Variants in TRAPPC12 observed in about 807,000 individuals in gnomAD.
TRAPPC12 encodes TPR repeat protein 15.
A neutral mutation model predicts 69.2 loss-of-function variants in TRAPPC12; 61 were observed. The observed-to-expected ratio is 0.88, with a 90% CI of 0.72 to 1.09. The LOEUF (loss-of-function observed/expected upper bound fraction) is 1.09, where lower values mean the gene tolerates loss of function less well. Among genes scored for constraint, TRAPPC12 ranks in the 50% least tolerant of loss-of-function variants. The pLI, the probability that TRAPPC12 is intolerant of heterozygous loss-of-function variation, is 0.00. For synonymous variants in TRAPPC12, 469 were observed against 438.9 expected, an observed-to-expected ratio of 1.07 and a Z score of -0.86; for missense variants, 1,101 against 1,016.4, an observed-to-expected ratio of 1.08 and a Z score of -1.13.
chr2:3,409,331 G>T (rs1183847605), intron 3 of TRAPPC12, among the ~76,000 whole-genome samples: 1 of 152,178 alleles, frequency 6.6e-6, no homozygotes, highest in East Asian at 1.9e-4. Flanking sequence ...TGGAACTATA[G>T]ACAAATATTT....
chr2:3,390,503 G>C (rs1161861854), intron 2 of TRAPPC12, among the ~76,000 whole-genome samples: 2 of 152,132 alleles, frequency 1.3e-5, no homozygotes, highest in Non-Finnish European at 2.9e-5. Context: ...CCGTTATTAG[G>C]AGGCTTGAAT....
Position 3,388,643 on chromosome 2 carries a change from G to A in TRAPPC12, c.1020G>A (p.Met340Ile), listed in dbSNP as rs764921515. ...AVFVDKENLT[M>I]PGLRFDNIQG... ...TCGTGGACAAGGAGAACCTCACCAT[G>A]CCGGGCCTCAGGTTCGACAACATCC... is the stretch of plus-strand genomic sequence containing the variant. Residue 340 changes from methionine (M) to isoleucine (I), a missense_variant, in exon 2 of 12, where the codon ATG (methionine) becomes ATA (isoleucine). By Grantham distance (10) the Met-to-Ile change is conservative (BLOSUM62 1). Coordinates refer to ENST00000324266, the MANE Select transcript of TRAPPC12 (RefSeq NM_016030.6). 7 of 1,577,492 alleles carry A rather than the reference G, an allele frequency of 4.4e-6. No homozygotes were observed. The African/African-American group carries it at 9.5e-5, about 21-fold the overall frequency.
At position 3,434,126 on chromosome 2, in the gene TRAPPC12, T is replaced by TTC. The variant is rs1315203740; in HGVS notation, c.1417+9465_1417+9466dup. 3.9e-5 allele frequency among the ~76,000 whole-genome samples: 6 copies of TTC among 152,346 alleles called. No homozygotes were observed. In the East Asian group the frequency reaches 1.2e-3, roughly 29 times the overall value. ...AAAGTATGAATTACACCAAAGCAGC[T>TTC]TCTGTATGCATCTTGTTGAAGAGGG... On this transcript the variant is annotated intron_variant, in intron 5 of 11. Coordinates refer to ENST00000324266, the MANE Select transcript of TRAPPC12 (RefSeq NM_016030.6).
At chr2:3,421,310 G>A (rs983517840) in intron 3 of TRAPPC12, among the ~76,000 whole-genome samples, 1 of 152,318 alleles carries the variant, frequency 6.6e-6, no homozygotes, top group African/African-American at 2.4e-5. Context: ...AAGCCGTAAC[G>A]TTAAGTGATG....
intron 3 of TRAPPC12, among the ~76,000 whole-genome samples, chr2:3,413,530 C>T (rs763905196): frequency 6.6e-6 from 1 of 152,052 alleles, no homozygotes; most frequent in African/African-American, 2.4e-5. Context: ...ATAATGTGTA[C>T]GTGAGTGTGA....
chr2:3,452,587 C>T (rs990920092), intron 6 of TRAPPC12, among the ~76,000 whole-genome samples: 8 of 152,180 alleles, frequency 5.3e-5, no homozygotes, highest in Non-Finnish European at 1.0e-4. Context: ...CTTAACCCTG[C>T]CAGGATGCGG....
At chr2:3,465,903 T>G (rs1665785907) in intron 9 of TRAPPC12, 2 of 584,044 alleles carry the variant, frequency 3.4e-6, no homozygotes, top group Non-Finnish European at 6.1e-6. Context: ...TGCCTGTTGC[T>G]AAATGTGAAC....
chr2:3,420,754 G>A (rs528568804), intron 3 of TRAPPC12, among the ~76,000 whole-genome samples: 1 of 152,350 alleles, frequency 6.6e-6, no homozygotes, highest in East Asian at 1.9e-4. Flanking sequence ...TTCATGAGCA[G>A]GTCCTGAGTT....
intron 3 of TRAPPC12, among the ~76,000 whole-genome samples, chr2:3,407,694 C>T (rs138536092): frequency 0.087 from 13,113 of 151,430 alleles, 658 homozygotes; most frequent in Middle Eastern, 0.14. Context: ...CCCAGCTACC[C>T]GGGAGGCTGA....
intron 3 of TRAPPC12, among the ~76,000 whole-genome samples, chr2:3,412,043 G>A (rs1347777948): frequency 1.3e-5 from 2 of 152,118 alleles, no homozygotes; most frequent in Non-Finnish European, 1.5e-5. Flanking sequence ...TTGATTACTA[G>A]TGTGGTTAAT....
intron 3 of TRAPPC12, among the ~76,000 whole-genome samples, chr2:3,418,600 G>A (rs1662585140): frequency 6.6e-6 from 1 of 152,210 alleles, no homozygotes; most frequent in Non-Finnish European, 1.5e-5. Flanking sequence ...CTCTTCCATG[G>A]TAGCACAGAA....
At chr2:3,418,627 G>A (rs1410363449) in intron 3 of TRAPPC12, among the ~76,000 whole-genome samples, 2 of 152,182 alleles carry the variant, frequency 1.3e-5, no homozygotes, top group African/African-American at 2.4e-5. Flanking sequence ...CACCGTGCAG[G>A]TGCACACGAG....
chr2:3,388,823 G>A, intron 2 of TRAPPC12, 153 bp downstream of exon 2: 1 of 745,680 alleles, frequency 1.3e-6, no homozygotes, highest in East Asian at 2.9e-5. Context: ...CTGTCCCTGG[G>A]TAATTAGGGA....
chr2:3,422,812 C>T (rs1341708885), intron 4 of TRAPPC12, among the ~76,000 whole-genome samples: 1 of 152,252 alleles, frequency 6.6e-6, no homozygotes, highest in Admixed American at 6.5e-5. Context: ...TCCAACCCAC[C>T]ACCACCCACA....
At chr2:3,400,273 C>T (rs866265846) in intron 2 of TRAPPC12, among the ~76,000 whole-genome samples, 1 of 151,454 alleles carries the variant, frequency 6.6e-6, no homozygotes, top group African/African-American at 2.4e-5. Flanking sequence ...CTGCTTCCTC[C>T]TCCCAGGATG....
At chr2:3,426,756 T>G (rs1039925156) in intron 5 of TRAPPC12, among the ~76,000 whole-genome samples, 2 of 152,164 alleles carry the variant, frequency 1.3e-5, no homozygotes, top group African/African-American at 4.8e-5. Flanking sequence ...GAGCAGGGCT[T>G]TATCCATCCT....
chr2:3,389,328 T>C (rs539534197), intron 2 of TRAPPC12, among the ~76,000 whole-genome samples: 1 of 152,352 alleles, frequency 6.6e-6, no homozygotes, highest in South Asian at 2.1e-4. Flanking sequence ...CCTCGGTGAC[T>C]GTGCTCTCAG....
At chr2:3,436,388 C>T (rs994333967) in intron 5 of TRAPPC12, among the ~76,000 whole-genome samples, 11 of 152,106 alleles carry the variant, frequency 7.2e-5, no homozygotes, top group African/African-American at 2.4e-4. Context: ...ACCTTGGAGA[C>T]ACCATCTTTA....
intron 6 of TRAPPC12, among the ~76,000 whole-genome samples, chr2:3,447,972 C>G (rs1664604425): frequency 6.6e-6 from 1 of 152,204 alleles, no homozygotes; most frequent in South Asian, 2.1e-4. Flanking sequence ...TTAAAGTATT[C>G]ACCACACCTG....
Sources: allele counts gnomAD v4.1 joint callset (sites outside exome capture counted in the v4.1 genomes callset), GRCh38; gene constraint gnomAD v4.1.1; transcripts MANE v1.5; gene names NCBI Gene and HGNC (gene_info 2026-07-23, HGNC 2026-07-21).